PCDH15: variants seen among roughly 807,000 people sequenced by gnomAD.
The protein encoded by PCDH15 is protocadherin-15.
A neutral mutation model predicts 178.5 loss-of-function variants in PCDH15; 129 were observed. The ratio of observed to expected loss-of-function variants is 0.72; its 90% CI spans 0.63 to 0.84. The LOEUF (loss-of-function observed/expected upper bound fraction) is 0.84, where lower values mean the gene tolerates loss of function less well. Ranked by LOEUF, PCDH15 falls within the 40% of genes least tolerant of loss-of-function variation. The pLI is 0.00. For missense variants in PCDH15, 2,230 were observed against 2,099.9 expected, an observed-to-expected ratio of 1.06 and a Z score of -1.21; for synonymous variants, 800 against 732.0, an observed-to-expected ratio of 1.09 and a Z score of -1.50.
intron 29 of PCDH15, among the ~76,000 whole-genome samples, chr10:53,837,750 A>AACAC (rs146785616): frequency 0.013 from 1,977 of 149,876 alleles, 74 homozygotes; most frequent in East Asian, 0.11. Context: ...AGCCTTGGAA[A>AACAC]ACACACACAC....
chr10:55,352,898 C>G (rs974202018), intron 2 of PCDH15, among the ~76,000 whole-genome samples: 3 of 152,086 alleles, frequency 2.0e-5, no homozygotes, highest in Non-Finnish European at 2.9e-5. Context: ...CTTTCTTAAT[C>G]CAGGCAAAAC....
At chr10:54,710,484 G>C (rs1208264832) in intron 1 of PCDH15, among the ~76,000 whole-genome samples, 1 of 151,964 alleles carries the variant, frequency 6.6e-6, no homozygotes, top group Non-Finnish European at 1.5e-5. Context: ...TAGAATAGCA[G>C]TATATTATGT....
chr10:54,921,291 C>A (rs1837480202), intron 2 of PCDH15, among the ~76,000 whole-genome samples: 1 of 151,920 alleles, frequency 6.6e-6, no homozygotes, highest in African/African-American at 2.4e-5. Flanking sequence ...AATATATACC[C>A]TCACGAACTT....
chr10:54,369,087 G>A (rs755489556), intron 5 of PCDH15, 33 bp downstream of exon 5: 3 of 1,609,296 alleles, frequency 1.9e-6, no homozygotes, highest in South Asian at 1.1e-5. Flanking sequence ...TATATCAACA[G>A]AAAGGACAGA....
At chr10:54,028,374 G>A (rs2093182295) in intron 18 of PCDH15, among the ~76,000 whole-genome samples, 1 of 148,962 alleles carries the variant, frequency 6.7e-6, no homozygotes, top group Admixed American at 6.7e-5. Flanking sequence ...GTGGAAGTCA[G>A]TGTGGCGATT....
chr10:54,328,162 C>T (rs1212374830), intron 7 of PCDH15, among the ~76,000 whole-genome samples: 17 of 151,202 alleles, frequency 1.1e-4, no homozygotes, highest in Non-Finnish European at 1.5e-5. Context: ...CCACCATATC[C>T]CTGACATCCA....
intron 9 of PCDH15, among the ~76,000 whole-genome samples, chr10:54,216,867 T>A (rs992691510): frequency 2.6e-5 from 4 of 152,194 alleles, no homozygotes; most frequent in African/African-American, 7.2e-5. Flanking sequence ...GGTAAATAAA[T>A]GGTGATACAT....
chr10:55,564,954 T>C (rs1842271614), intron 2 of PCDH15, among the ~76,000 whole-genome samples: 1 of 151,348 alleles, frequency 6.6e-6, no homozygotes, highest in South Asian at 2.1e-4. Flanking sequence ...AGAAGATAAG[T>C]AAAGAAATAA....
chr10:55,301,035 G>T (rs1843263513), intron 1 of PCDH15, among the ~76,000 whole-genome samples: 2 of 152,042 alleles, frequency 1.3e-5, no homozygotes, highest in African/African-American at 4.8e-5. Flanking sequence ...CTAGATTTTG[G>T]CTATTATGTA....
At chr10:53,892,030 T>TTG (rs1325693521) in intron 26 of PCDH15, among the ~76,000 whole-genome samples, 1 of 145,084 alleles carries the variant, frequency 6.9e-6, no homozygotes, top group African/African-American at 2.7e-5. Context: ...GTTTTTTTTT[T>TTG]TTTTTTTTTT....
intron 2 of PCDH15, among the ~76,000 whole-genome samples, chr10:54,985,728 T>G (rs1839347830): frequency 6.6e-6 from 1 of 152,208 alleles, no homozygotes; most frequent in African/African-American, 2.4e-5. Flanking sequence ...AGTAAAGTCT[T>G]TACTGAATGT....
chr10:54,889,596 C>T (rs909698747), intron 3 of PCDH15, among the ~76,000 whole-genome samples: 1 of 149,864 alleles, frequency 6.7e-6, no homozygotes, highest in African/African-American at 2.4e-5. Context: ...CTGATAAATC[C>T]ACACATGAAA....
At chr10:54,607,340 C>T (rs1348581489) in intron 2 of PCDH15, among the ~76,000 whole-genome samples, 1 of 151,894 alleles carries the variant, frequency 6.6e-6, no homozygotes, top group African/African-American at 2.4e-5. Flanking sequence ...TAATAATATT[C>T]TTGGTAGAGG....
rs539925045 is a variant in PCDH15, at chr10:54,457,372, G to A, written c.157+70440C>T. On this transcript the variant is annotated intron_variant, in intron 3 of 37. Transcript: ENST00000644397. ...TGTAATGTACTGTTTGACAGCCAAA[G>A]ACTTTAACAATGTCCTATTCTTTCT... Among the ~76,000 whole-genome samples the A allele has an allele frequency of 2.2e-3, 335 of 152,220 alleles. 1 individual carries two copies. The highest frequency in any genetic ancestry group is 7.7e-3 in the African/African-American group (320 of 41,550).
intron 2 of PCDH15, among the ~76,000 whole-genome samples, chr10:55,609,756 G>C (rs553666919): frequency 3.9e-5 from 6 of 152,150 alleles, no homozygotes; most frequent in African/African-American, 1.4e-4. Flanking sequence ...TTCATAAAAT[G>C]AGTCAACACT....
intron 5 of PCDH15, among the ~76,000 whole-genome samples, chr10:54,351,799 T>C (rs1944230914): frequency 6.6e-6 from 1 of 152,206 alleles, no homozygotes; most frequent in Non-Finnish European, 1.5e-5. Flanking sequence ...TAGATTTCAC[T>C]GTGAAGTCTA....
In PCDH15 at chr10:54,132,937, G is replaced by T. The variant is rs779781651; in HGVS notation, c.1855C>A (p.Leu619Met). The change falls in exon 15 of 38, where the codon CTG becomes ATG. Residue 619 changes from leucine (L) to methionine (M), a missense_variant. By Grantham distance (15) the Leu-to-Met change is conservative. Transcript: ENST00000644397. The part of the protein sequence containing the change: ...NNQSPPRFPQ[L>M]MYSLEISEAM... ...TCACTAATTTCAAGGCTATACATCA[G>T]CTGTGGGAAGCGAGGAGGGCTTTGA... 2.5e-6 allele frequency: 4 copies of T among 1,614,012 alleles called. No homozygotes were observed. Among genetic ancestry groups the T allele is most frequent in the Non-Finnish European group, 2.5e-6 (3 of 1,179,998 alleles).
chr10:55,137,777 G>A (rs763093904), intron 2 of PCDH15, among the ~76,000 whole-genome samples: 39 of 152,076 alleles, frequency 2.6e-4, no homozygotes, highest in Non-Finnish European at 5.3e-4. Context: ...ACAGAAGAGT[G>A]AACAGGGTGA....
intron 2 of PCDH15, among the ~76,000 whole-genome samples, chr10:55,582,617 TATATATATATA>T (rs1367853838): frequency 1.4e-4 from 14 of 99,104 alleles, no homozygotes; most frequent in African/African-American, 4.7e-4. Context: ...TATATATATA[TATATATATATA>T]TTTTTTTTTT....
Sources: gnomAD v4.1 joint callset for allele counts (sites outside exome capture counted in the v4.1 genomes callset) on GRCh38, gnomAD v4.1.1 for gene constraint, MANE v1.5 for transcripts, NCBI Gene and HGNC (gene_info 2026-07-23, HGNC 2026-07-21) for gene names.